ITGA8: variants seen among roughly 807,000 people sequenced by gnomAD.
The protein encoded by ITGA8 is integrin subunit alpha 8, also known as integrin alpha-8.
Under a neutral mutation model 142.3 loss-of-function variants are expected in ITGA8, and 91 were observed. The observed-to-expected ratio is 0.64, with a 90% CI of 0.54 to 0.76. The LOEUF (loss-of-function observed/expected upper bound fraction) is 0.76. ITGA8 is among the 30% of genes least tolerant of loss of function. The probability of loss-of-function intolerance (pLI) is 0.00; values close to 1 mark genes in which losing one functional copy is unlikely to be tolerated. For synonymous variants in ITGA8, 505 were observed against 485.2 expected (o/e 1.04, Z -0.54); for missense variants, 1,406 against 1,327.7 (o/e 1.06, Z -0.92).
intron 13 of ITGA8, among the ~76,000 whole-genome samples, chr10:15,642,297 T>C (rs935751426): frequency 7.9e-5 from 12 of 152,302 alleles, no homozygotes; most frequent in African/African-American, 2.9e-4. Context: ...TTGGGACGTG[T>C]TTAGCCTTGG....
chr10:15,523,355 A>G (rs948492810), intron 28 of ITGA8, among the ~76,000 whole-genome samples: 1 of 152,196 alleles, frequency 6.6e-6, no homozygotes, highest in Admixed American at 6.5e-5. Context: ...TATAATGAAA[A>G]TGTGAAATTG....
intron 27 of ITGA8, among the ~76,000 whole-genome samples, chr10:15,531,857 A>C (rs1833303515): frequency 1.3e-5 from 2 of 152,000 alleles, no homozygotes; most frequent in Admixed American, 6.6e-5. Flanking sequence ...AGGCAGCAGA[A>C]TCGCTTGAAC....
chr10:15,544,729 G>A (rs866320412), intron 27 of ITGA8, among the ~76,000 whole-genome samples: 1 of 152,136 alleles, frequency 6.6e-6, no homozygotes, highest in Non-Finnish European at 1.5e-5. Flanking sequence ...TGGGTGCCTC[G>A]CCTACTGAAT....
At chr10:15,629,087 G>A (rs760523437) in intron 13 of ITGA8, among the ~76,000 whole-genome samples, 14 of 151,794 alleles carry the variant, frequency 9.2e-5, no homozygotes, top group Admixed American at 2.0e-4. Flanking sequence ...CTGCCTACTC[G>A]TACTCCTGGT....
In ITGA8 at chr10:15,565,276, G is replaced by A. The variant is rs527704402; in HGVS notation, c.2637+6935C>T. Among the ~76,000 whole-genome samples, 3 of 152,296 alleles carry A rather than the reference G, an allele frequency of 2.0e-5. No homozygotes were observed. In the East Asian group the frequency reaches 5.8e-4, roughly 29 times the overall value. The stretch of plus-strand genomic sequence containing the variant: ...GGCAAGCCATAGATGTCACTAGTAC[G>A]TCACAATTGGAGAGGAAGTAAATTA... On this transcript the variant is annotated intron_variant, in intron 25 of 29. Transcript: ENST00000378076.
chr10:15,683,324 C>T (rs79985187), intron 4 of ITGA8, among the ~76,000 whole-genome samples: 10 of 73,948 alleles, frequency 1.4e-4, no homozygotes, highest in Non-Finnish European at 2.0e-4. Context: ...CACCCACCCA[C>T]CCACCCATCC....
At chr10:15,652,443 T>TG (rs1834105108) in intron 11 of ITGA8, among the ~76,000 whole-genome samples, 1 of 62,860 alleles carries the variant, frequency 1.6e-5, no homozygotes. Flanking sequence ...AAGGCCACAG[T>TG]GGGATTTTTT....
intron 5 of ITGA8, among the ~76,000 whole-genome samples, chr10:15,678,144 G>A: frequency 6.6e-6 from 1 of 151,992 alleles, no homozygotes; most frequent in Non-Finnish European, 1.5e-5. Flanking sequence ...CACCTTTCGT[G>A]CCTCATATCT....
chr10:15,655,747 A>G (rs1328147591), intron 10 of ITGA8, among the ~76,000 whole-genome samples: 1 of 152,168 alleles, frequency 6.6e-6, no homozygotes, highest in Non-Finnish European at 1.5e-5. Context: ...GCAATCTTGA[A>G]TCTCACAGAA....
chr10:15,649,551 C>G (rs1215332735), intron 11 of ITGA8, among the ~76,000 whole-genome samples: 3 of 150,550 alleles, frequency 2.0e-5, no homozygotes, highest in Non-Finnish European at 2.9e-5. Context: ...TCGCTTGAAC[C>G]CGGGAGGCAG....
intron 11 of ITGA8, among the ~76,000 whole-genome samples, chr10:15,652,447 A>ATT (rs58299147): frequency 0.099 from 14,413 of 145,468 alleles, 919 homozygotes; most frequent in East Asian, 0.28. Flanking sequence ...CCACAGTGGG[A>ATT]TTTTTTTTTT....
chr10:15,519,295 A>C lies in ITGA8; in HGVS notation c.3100T>G (p.Trp1034Gly), dbSNP rs1416775305. 2 of 1,613,598 alleles carry C rather than the reference A, an allele frequency of 1.2e-6. No individual in the cohort carries two copies. The highest frequency in any genetic ancestry group is 1.7e-6 in the Non-Finnish European group (2 of 1,179,826). Residue 1034 changes from tryptophan to glycine, a missense_variant, in exon 29 of 30, where the codon TGG becomes GGG. By Grantham distance (184) the Trp-to-Gly change is radical. Coordinates refer to ENST00000378076, the MANE Select transcript of ITGA8 (RefSeq NM_003638.3). ...AACAAAGTAAATCAACTTACCTTCC[A>C]TAAAGCTAAGGTTAAAATGGCGAGA... The part of the protein sequence containing the change: ...LVLAILTLAL[W>G]KCGFFDRARP...
At position 15,660,410 on chromosome 10, in the gene ITGA8, C is replaced by T. The variant is rs552726984; in HGVS notation, c.891+469G>A. ...ATCTGACTTATTTTCCTTCCTTTTC[C>T]GTAAGCAAGCAGCATGAATCGGGAG... On this transcript the variant is annotated intron_variant, in intron 9 of 29. Coordinates refer to ENST00000378076, the MANE Select transcript of ITGA8 (RefSeq NM_003638.3). Among the ~76,000 whole-genome samples the T allele has an allele frequency of 7.2e-5, 11 of 152,274 alleles. No homozygotes were observed. The East Asian group carries it at 1.7e-3, about 24-fold the overall frequency.
intron 26 of ITGA8, among the ~76,000 whole-genome samples, chr10:15,551,616 G>GT (rs1243786289): frequency 6.6e-6 from 1 of 152,068 alleles, no homozygotes; most frequent in African/African-American, 2.4e-5. Context: ...ATTTTTCAGT[G>GT]TTTTAGATAC....
intron 20 of ITGA8, among the ~76,000 whole-genome samples, chr10:15,598,133 T>TA (rs1833039564): frequency 1.3e-5 from 2 of 151,986 alleles, no homozygotes; most frequent in African/African-American, 4.8e-5. Flanking sequence ...GCTACTTACA[T>TA]TTTTCCATTA....
chr10:15,520,263 A>G (rs558323031), intron 28 of ITGA8, among the ~76,000 whole-genome samples: 11 of 152,224 alleles, frequency 7.2e-5, no homozygotes, highest in Middle Eastern at 3.4e-3. Context: ...GATACAAAAA[A>G]TTAGCTGGGT....
chr10:15,514,024 G>A lies in ITGA8; in HGVS notation c.*3134C>T, dbSNP rs1182110736. 1.3e-5 allele frequency: 2 copies of A among 152,106 alleles called. No individual in the cohort carries two copies. The highest frequency in any genetic ancestry group is 2.9e-5 in the Non-Finnish European group (2 of 68,028). The allele number at this position is 152,106 out of a possible 1,614,324, so 9.4% of individuals were successfully genotyped here. A position where few individuals can be genotyped will look rare whatever the true frequency, so the allele number is the denominator to read the frequency against. ...AAAATCTTCACAGATATCTACGCAC[G>A]TATTTAAATAAAACAAGAGTCGAGT... On this transcript the variant is annotated 3_prime_UTR_variant, in exon 30 of 30. Transcript: ENST00000378076.
At chr10:15,677,738 T>C (rs891919209) in intron 5 of ITGA8, 101 bp from the exon 6 acceptor site, 1 of 1,157,800 alleles carries the variant, frequency 8.6e-7, no homozygotes. Context: ...CTCTAACAAT[T>C]TGTTACACAT....
chr10:15,576,583 C>G (rs1007177760), intron 23 of ITGA8, among the ~76,000 whole-genome samples: 2 of 152,080 alleles, frequency 1.3e-5, no homozygotes, highest in African/African-American at 4.8e-5. Flanking sequence ...TTAAAGGTAT[C>G]CAATAATTAA....
Sources: allele counts gnomAD v4.1 joint callset (sites outside exome capture counted in the v4.1 genomes callset), GRCh38; gene constraint gnomAD v4.1.1; transcripts MANE v1.5; gene names NCBI Gene and HGNC (gene_info 2026-07-23, HGNC 2026-07-21).